The following C4orf36 variants were observed in gnomAD, a reference collection of about 807,000 sequenced individuals.
The protein encoded by C4orf36 is chromosome 4 open reading frame 36, also known as uncharacterized protein C4orf36.
Under a neutral mutation model 12.2 loss-of-function variants are expected in C4orf36, and 11 were observed. The observed-to-expected ratio is 0.90, with a 90% CI of 0.57 to 1.49. The LOEUF is 1.49. Ranked by LOEUF, C4orf36 falls within the 40% of genes most tolerant of loss-of-function variation. C4orf36 has a pLI of 0.00. For synonymous variants in C4orf36, 54 were observed against 51.3 expected, an observed-to-expected ratio of 1.05 and a Z score of -0.22; for missense variants, 137 against 133.9, an observed-to-expected ratio of 1.02 and a Z score of -0.11.
At chr4:86,891,685 T>C in intron 1 of C4orf36, 92 bp from the exon 2 acceptor site, 1 of 1,195,326 alleles carries the variant, frequency 8.4e-7, no homozygotes, top group East Asian at 2.6e-5. Context: ...CAGAAAGTCC[T>C]TAATAAGTGT....
At chr4:86,897,824 C>T in the C4orf36 span, among the ~76,000 whole-genome samples, 2,716 of 152,302 alleles carry the variant, frequency 0.018, 84 homozygotes, top group African/African-American at 0.062. Context: ...GGCTGGTTCT[C>T]AGGCTGGCAC....
chr4:86,926,319 C>T, the C4orf36 span: 38 of 152,384 alleles, frequency 2.5e-4, no homozygotes, highest in African/African-American at 8.2e-4. Context: ...GAAGAAGAGA[C>T]TTGGAACCTG....
At chr4:86,887,324 C>T (rs1300216438) in intron 4 of C4orf36, 1 of 152,614 alleles carries the variant, frequency 6.6e-6, no homozygotes, top group Non-Finnish European at 1.5e-5. Context: ...AAAATGAAGT[C>T]TATTATTTTT....
upstream of C4orf36, among the ~76,000 whole-genome samples, chr4:86,894,485 A>G (rs749684085): frequency 3.3e-5 from 5 of 152,120 alleles, no homozygotes; most frequent in Non-Finnish European, 7.4e-5. Flanking sequence ...GGGACAAGCC[A>G]CCTTAGAAGG....
the C4orf36 span, among the ~76,000 whole-genome samples, chr4:86,897,847 A>G: frequency 6.6e-6 from 1 of 152,226 alleles, no homozygotes; most frequent in African/African-American, 2.4e-5. Flanking sequence ...CCAAACCTGC[A>G]TCTGCCACGG....
chr4:86,880,616 G>A (rs191146307), intron 4 of C4orf36, among the ~76,000 whole-genome samples: 7 of 152,290 alleles, frequency 4.6e-5, no homozygotes, highest in South Asian at 2.1e-4. Context: ...GAGGAGGTTC[G>A]TTACCACTAG....
chr4:86,916,434 G>T, the C4orf36 span, among the ~76,000 whole-genome samples: 1 of 151,548 alleles, frequency 6.6e-6, no homozygotes, highest in East Asian at 1.9e-4. Flanking sequence ...GAATAAAGTG[G>T]TCATGATGGC....
intron 2 of C4orf36, 33 bp from the exon 3 acceptor site, chr4:86,888,308 A>G (rs770895063): frequency 1.9e-6 from 3 of 1,591,390 alleles, no homozygotes; most frequent in Non-Finnish European, 2.6e-6. Context: ...CATTCAATAA[A>G]TATTGATTAA....
the C4orf36 span, among the ~76,000 whole-genome samples, chr4:86,898,466 C>T: frequency 2.0e-5 from 3 of 151,462 alleles, no homozygotes; most frequent in African/African-American, 7.3e-5. Flanking sequence ...GGGAGGCCAA[C>T]GTGGGCAGAT....
the C4orf36 span, among the ~76,000 whole-genome samples, chr4:86,897,494 G>C: frequency 6.6e-6 from 1 of 152,158 alleles, no homozygotes; most frequent in Non-Finnish European, 1.5e-5. Context: ...TAAGTTCTCT[G>C]GATTCTCTCA....
intron 4 of C4orf36, among the ~76,000 whole-genome samples, chr4:86,878,466 A>G (rs889656714): frequency 2.0e-5 from 3 of 152,220 alleles, no homozygotes; most frequent in Non-Finnish European, 4.4e-5. Context: ...CAAGGAAGAC[A>G]CTGACTTAAC....
the C4orf36 span, among the ~76,000 whole-genome samples, chr4:86,898,704 C>G: frequency 0.92 from 139,936 of 152,120 alleles, 65,225 homozygotes; most frequent in Non-Finnish European, 1. Flanking sequence ...CACTACTCAG[C>G]AGACTGAGGC....
At chr4:86,913,737 C>A in the C4orf36 span, 1 of 1,552,782 alleles carries the variant, frequency 6.4e-7, no homozygotes, top group Non-Finnish European at 8.9e-7. Context: ...GTGGACCCAG[C>A]CACCAGTGCC....
At position 86,888,169 on chromosome 4, in the gene C4orf36, G is replaced by A. The variant is rs368817923; in HGVS notation, c.172C>T (p.Leu58Phe). 5.6e-6 allele frequency: 9 copies of A among 1,614,076 alleles called. No individual in the cohort carries two copies. The highest frequency in any genetic ancestry group is 2.7e-5 in the African/African-American group (2 of 75,036). Residue 58 changes from leucine to phenylalanine, a missense_variant, in exon 3 of 5, where the codon CTC becomes TTC. Physicochemically the swap from Leu to Phe is conservative, Grantham distance 22 (BLOSUM62 0). Coordinates refer to ENST00000295898, the MANE Select transcript of C4orf36 (RefSeq NM_144645.4). ...EEISFGGSVQ[L>F]TKCTTIKDGL... ...TCTTTAATGGTGGTACATTTTGTGA[G>A]CTGCACAGAACCACCAAATGAAATT... is the stretch of plus-strand genomic sequence containing the variant.
At chr4:86,891,362 G>A in intron 2 of C4orf36, 94 bp downstream of exon 2, 3 of 1,160,610 alleles carry the variant, frequency 2.6e-6, no homozygotes, top group Non-Finnish European at 3.8e-6. Flanking sequence ...GTATCTCATG[G>A]GGAGCACAGA....
At chr4:86,918,969 T>G in the C4orf36 span, among the ~76,000 whole-genome samples, 1 of 152,014 alleles carries the variant, frequency 6.6e-6, no homozygotes, top group Non-Finnish European at 1.5e-5. Flanking sequence ...TTCAAAATCC[T>G]CAGAGCCAGG....
the C4orf36 span, among the ~76,000 whole-genome samples, chr4:86,921,148 AGAGT>A: frequency 6.6e-6 from 1 of 151,710 alleles, no homozygotes; most frequent in Non-Finnish European, 1.5e-5. Flanking sequence ...CTAGGCAACA[AGAGT>A]GAAACTCCTT....
the C4orf36 span, among the ~76,000 whole-genome samples, chr4:86,908,164 AACATACACACACAC>A: frequency 1.1e-5 from 1 of 92,596 alleles, no homozygotes; most frequent in South Asian, 4.5e-4. Context: ...CTATACTTTC[AACATACACACACAC>A]ACACACACAC....
In C4orf36 at chr4:86,888,367, C is replaced by A. The variant is rs1747265890; in HGVS notation, c.66-92G>T. 2.3e-6 allele frequency: 3 copies of A among 1,300,898 alleles called. No individual in the cohort carries two copies. The Admixed American group carries it at 6.6e-5, about 28-fold the overall frequency. 80.6% of individuals were successfully genotyped at this position (1,300,898 alleles called of 1,614,324 possible). ...AGACATTAATTCTCAGTTCCATTTG[C>A]CACTAGACATTTTGGTTTATGGGTG... On this transcript the variant is annotated intron_variant, in intron 2 of 4. Coordinates refer to ENST00000295898, the MANE Select transcript of C4orf36 (RefSeq NM_144645.4).
Sources: allele counts gnomAD v4.1 joint callset (sites outside exome capture counted in the v4.1 genomes callset), GRCh38; gene constraint gnomAD v4.1.1; transcripts MANE v1.5; gene names NCBI Gene and HGNC (gene_info 2026-07-23, HGNC 2026-07-21).